MIPOL1: variants seen among roughly 807,000 people sequenced by gnomAD.
MIPOL1 encodes the protein mirror-image polydactyly gene 1 protein.
Under a neutral mutation model 60.9 loss-of-function variants are expected in MIPOL1, and 57 were observed. The ratio of observed to expected loss-of-function variants is 0.94; its 90% CI spans 0.76 to 1.17. The LOEUF (loss-of-function observed/expected upper bound fraction) is 1.17, where lower values mean the gene tolerates loss of function less well. Among genes scored for constraint, MIPOL1 ranks in the 50% most tolerant of loss-of-function variants. MIPOL1 has a pLI of 0.00. For missense variants in MIPOL1, 551 were observed against 511.6 expected (o/e 1.08, Z -0.74); for synonymous variants, 179 against 168.8 (o/e 1.06, Z -0.47).
chr14:37,407,842 CTTCTTTTTTTT>C (rs1270483251), intron 10 of MIPOL1, among the ~76,000 whole-genome samples: 12 of 58,058 alleles, frequency 2.1e-4, no homozygotes, highest in African/African-American at 6.5e-4. Flanking sequence ...TCTTCTTCTT[CTTCTTTTTTTT>C]TTTTTTTTTT....
rs74346716 is a variant in MIPOL1 at position 37,217,542 on chromosome 14, A to G, written c.-199+19438A>G. On this transcript the variant is annotated intron_variant, in intron 1 of 12. Coordinates refer to ENST00000684589, the MANE Select transcript of MIPOL1 (RefSeq NM_001388067.1). ...CAGCAATCCATTTGAAAGATCATTC[A>G]TTATGACCAAGTGGGATTTTCCCTG... Among the ~76,000 whole-genome samples, 272 of 152,356 alleles carry G rather than the reference A, an allele frequency of 1.8e-3. 1 individual carries two copies. The highest frequency in any genetic ancestry group is 6.8e-3 in the East Asian group (35 of 5,180).
At chr14:37,448,129 C>G (rs2153572303) in intron 11 of MIPOL1, among the ~76,000 whole-genome samples, 1 of 152,238 alleles carries the variant, frequency 6.6e-6, no homozygotes, top group Admixed American at 6.5e-5. Context: ...TATTTCTCTC[C>G]AAAACTGTTT....
At chr14:37,444,478 C>A (rs1408925405) in intron 11 of MIPOL1, among the ~76,000 whole-genome samples, 3 of 152,034 alleles carry the variant, frequency 2.0e-5, no homozygotes, top group African/African-American at 7.2e-5. Context: ...CTATATATTA[C>A]CCTAATAAGA....
chr14:37,240,205 T>C (rs1004375960), intron 1 of MIPOL1, among the ~76,000 whole-genome samples: 1 of 152,210 alleles, frequency 6.6e-6, no homozygotes, highest in Admixed American at 6.5e-5. Flanking sequence ...TTAGTATTTA[T>C]TGTTAAACTA....
At chr14:37,231,808 A>C (rs1970676642) in intron 1 of MIPOL1, among the ~76,000 whole-genome samples, 2 of 152,160 alleles carry the variant, frequency 1.3e-5, no homozygotes, top group Non-Finnish European at 2.9e-5. Context: ...GGCCGGGAGT[A>C]GTGGCTCGCA....
At chr14:37,213,299 CCACT>C (rs1053555167) in intron 1 of MIPOL1, among the ~76,000 whole-genome samples, 2 of 152,072 alleles carry the variant, frequency 1.3e-5, no homozygotes, top group African/African-American at 4.8e-5. Flanking sequence ...TGTGTTGAGG[CCACT>C]CAAAGAAATT....
chr14:37,524,197 C>T (rs1406807145), intron 12 of MIPOL1, among the ~76,000 whole-genome samples: 2 of 152,216 alleles, frequency 1.3e-5, no homozygotes, highest in East Asian at 3.9e-4. Flanking sequence ...CTAACACTGA[C>T]TGCTATGTGG....
At chr14:37,270,584 A>G (rs2083222893) in intron 6 of MIPOL1, 59 bp downstream of exon 6, 6 of 829,992 alleles carry the variant, frequency 7.2e-6, no homozygotes, top group Non-Finnish European at 1.1e-5. Context: ...TTATTATATG[A>G]TGTATCTTGG....
downstream of MIPOL1, chr14:37,551,652 C>T (rs2095561851): frequency 6.6e-6 from 1 of 151,684 alleles, no homozygotes; most frequent in South Asian, 2.1e-4. Context: ...GCGGGCGGAT[C>T]ACAAGGTCAG....
intron 11 of MIPOL1, among the ~76,000 whole-genome samples, chr14:37,429,461 T>C (rs1476442428): frequency 6.6e-6 from 1 of 152,156 alleles, no homozygotes; most frequent in Non-Finnish European, 1.5e-5. Context: ...TATGGTAAAG[T>C]TGACATTTTA....
chr14:37,261,594 G>A (rs2082523903), intron 3 of MIPOL1, among the ~76,000 whole-genome samples: 1 of 151,990 alleles, frequency 6.6e-6, no homozygotes, highest in African/African-American at 2.4e-5. Context: ...GTTTGAATAT[G>A]GTCCCAAGAT....
At chr14:37,329,062 T>A (rs537786143) in intron 9 of MIPOL1, among the ~76,000 whole-genome samples, 9 of 152,206 alleles carry the variant, frequency 5.9e-5, no homozygotes, top group East Asian at 1.9e-4. Context: ...TGTTTTTTTT[T>A]ATTATACTTT....
chr14:37,477,674 C>T (rs2094798264), intron 11 of MIPOL1, among the ~76,000 whole-genome samples: 1 of 152,134 alleles, frequency 6.6e-6, no homozygotes, highest in South Asian at 2.1e-4. Context: ...ATTCAAAATG[C>T]AGGGACACAA....
chr14:37,420,420 G>T lies in MIPOL1; in HGVS notation c.937-2435G>T, dbSNP rs1207380190. On this transcript the variant is annotated intron_variant, in intron 10 of 12. Transcript: ENST00000684589. The stretch of plus-strand genomic sequence containing the variant: ...ATAAAAGTAATTGCCAGAAATATGG[G>T]AATAGGATGCCTGAAAGAAAAACAG... 2.0e-5 allele frequency among the ~76,000 whole-genome samples: 3 copies of T among 152,204 alleles called. No individual in the cohort carries two copies. The East Asian group carries it at 5.8e-4, about 29-fold the overall frequency.
chr14:37,292,157 C>G lies in MIPOL1; in HGVS notation c.623+6710C>G, dbSNP rs571196982. Among the ~76,000 whole-genome samples, 4 of 151,950 alleles carry G rather than the reference C, an allele frequency of 2.6e-5. No homozygotes were observed. In the South Asian group the frequency reaches 6.2e-4, roughly 24 times the overall value. ...AGCCAGGATGGTCTCTATCTCTGGA[C>G]CTCATGATCCGCCCGCTTTGGCTTC... On this transcript the variant is annotated intron_variant, in intron 7 of 12. Transcript: ENST00000684589.
At chr14:37,337,669 T>A (rs2090272335) in intron 9 of MIPOL1, among the ~76,000 whole-genome samples, 1 of 151,726 alleles carries the variant, frequency 6.6e-6, no homozygotes, top group East Asian at 1.9e-4. Flanking sequence ...TGCCTGGCCT[T>A]GTATGTGTTC....
intron 10 of MIPOL1, among the ~76,000 whole-genome samples, chr14:37,376,762 A>G (rs1486826654): frequency 1.3e-5 from 2 of 152,142 alleles, no homozygotes; most frequent in Admixed American, 6.6e-5. Flanking sequence ...TTTTGTTTGT[A>G]TGGACCCAGG....
chr14:37,491,628 A>G (rs1335900060), intron 11 of MIPOL1, among the ~76,000 whole-genome samples: 1 of 152,230 alleles, frequency 6.6e-6, no homozygotes, highest in Non-Finnish European at 1.5e-5. Flanking sequence ...ATATTTAGTG[A>G]AACCCAATTT....
intron 10 of MIPOL1, chr14:37,396,966 T>G (rs1197666674): frequency 1.3e-5 from 2 of 152,220 alleles, no homozygotes; most frequent in Non-Finnish European, 2.9e-5. Context: ...CCTCCTGAAT[T>G]CTTTTTCAGG....
Sources: gnomAD v4.1 joint callset for allele counts (sites outside exome capture counted in the v4.1 genomes callset) on GRCh38, gnomAD v4.1.1 for gene constraint, MANE v1.5 for transcripts, NCBI Gene and HGNC (gene_info 2026-07-23, HGNC 2026-07-21) for gene names.